KCNK12: variants seen among roughly 807,000 people sequenced by gnomAD.
KCNK12 encodes the protein potassium channel subfamily K member 12.
In KCNK12, 6 loss-of-function variants were observed where a neutral mutation model predicts 25.3. That is an observed-to-expected ratio of 0.24 (90% confidence interval 0.13 to 0.47). The LOEUF is 0.47. KCNK12 is among the 20% of genes least tolerant of loss of function. The probability of loss-of-function intolerance (pLI) is 0.99; values close to 1 mark genes in which losing one functional copy is unlikely to be tolerated. For synonymous variants in KCNK12, 331 were observed against 311.1 expected, an observed-to-expected ratio of 1.06 and a Z score of -0.67; for missense variants, 444 against 661.7, an observed-to-expected ratio of 0.67 and a Z score of 3.61.
At chr2:47,526,032 T>G (rs1668762702) in intron 1 of KCNK12, among the ~76,000 whole-genome samples, 1 of 152,138 alleles carries the variant, frequency 6.6e-6, no homozygotes, top group African/African-American at 2.4e-5. Context: ...GAAGTGAATT[T>G]GAAGATTTGA....
chr2:47,563,308 A>G (rs1379747642), intron 1 of KCNK12: 17 of 233,488 alleles, frequency 7.3e-5, no homozygotes, highest in Non-Finnish European at 1.4e-4. Context: ...GTGCCCTCTC[A>G]GAACTGTACT....
chr2:47,562,957 G>C lies in KCNK12; in HGVS notation c.391+6984C>G. 4.3e-6 allele frequency: 1 copy of C among 233,600 alleles called. No individual in the cohort carries two copies. 14.5% of individuals were successfully genotyped at this position (233,600 alleles called of 1,614,324 possible). A position where few individuals can be genotyped will look rare whatever the true frequency, so the allele number is the denominator to read the frequency against. ...AGCCCCCGACCCCGGAAAGTCAGTG[G>C]AACTGGACGGAAAAAATGGAAGGGC... On this transcript the variant is annotated intron_variant, in intron 1 of 1. Coordinates refer to ENST00000327876, the MANE Select transcript of KCNK12 (RefSeq NM_022055.2). The surrounding 1 kb of genome is among the most constrained non-coding windows in gnomAD (Gnocchi z 4.8).
intron 1 of KCNK12, among the ~76,000 whole-genome samples, chr2:47,549,956 A>G (rs945758140): frequency 6.6e-6 from 1 of 152,066 alleles, no homozygotes; most frequent in Non-Finnish European, 1.5e-5. Context: ...AAGGAAAAAT[A>G]TCATGTCTGA....
Position 47,570,260 on chromosome 2 carries a change from G to A in KCNK12, c.72C>T (p.Cys24=), listed in dbSNP as rs1669863103. ...TGAGGTGCGAACGGCGGCAGCAGCA[G>A]CAGCAGCAGGAGGGGCGCGGCAGGC... ...RRRLPRPSCC[C]CCCRRSHLNE... Residue 24 remains cysteine, a synonymous_variant, in exon 1 of 2, where the codon TGC becomes TGT. Coordinates refer to ENST00000327876, the MANE Select transcript of KCNK12 (RefSeq NM_022055.2). The A allele has an allele frequency of 7.0e-7, 1 of 1,436,560 alleles. No individual in the cohort carries two copies. Among genetic ancestry groups the A allele is most frequent in the Non-Finnish European group, 9.1e-7 (1 of 1,095,228 alleles). The allele number at this position is 1,436,560 out of a possible 1,614,324, so 89.0% of individuals were successfully genotyped here.
intron 1 of KCNK12, chr2:47,543,611 G>A (rs1034505196): frequency 6.6e-6 from 1 of 152,258 alleles, no homozygotes; most frequent in South Asian, 2.1e-4. Flanking sequence ...CAACCTAGAA[G>A]GTGATAGGGG....
chr2:47,544,190 C>T (rs896191860), intron 1 of KCNK12, among the ~76,000 whole-genome samples: 1 of 152,220 alleles, frequency 6.6e-6, no homozygotes, highest in Non-Finnish European at 1.5e-5. Flanking sequence ...CTTGTACTAC[C>T]CTGTGCCCCC....
Position 47,562,191 on chromosome 2 carries a change from G to C in KCNK12, c.391+7750C>G, listed in dbSNP as rs1462194369. On this transcript the variant is annotated intron_variant, in intron 1 of 1. Coordinates refer to ENST00000327876, the MANE Select transcript of KCNK12 (RefSeq NM_022055.2). This position sits in a 1 kb window ranked among gnomAD's most constrained non-coding sequence, Gnocchi z 4.8. ...CTCAACAGAAACTACTTGGTAAGCA[G>C]ATTCCCAGGTGGTTCCAGGCACCTT... is the stretch of plus-strand genomic sequence containing the variant. The C allele has an allele frequency of 7.5e-6, 3 of 398,506 alleles. No individual in the cohort carries two copies. Among genetic ancestry groups the C allele is most frequent in the Non-Finnish European group, 1.3e-5 (3 of 226,086 alleles). The allele number at this position is 398,506 out of a possible 1,614,324, so 24.7% of individuals were successfully genotyped here. A position where few individuals can be genotyped will look rare whatever the true frequency, so the allele number is the denominator to read the frequency against.
Position 47,511,742 on chromosome 2 carries a change from G to C in KCNK12, c.*9165C>G, listed in dbSNP as rs1668407643. Among the ~76,000 whole-genome samples, 1 of 152,188 alleles carries C rather than the reference G, an allele frequency of 6.6e-6. No homozygotes were observed. Among genetic ancestry groups the C allele is most frequent in the Non-Finnish European group, 1.5e-5 (1 of 68,040 alleles). The stretch of plus-strand genomic sequence containing the variant: ...ACTTCTGCCCCTTAAGGATGCCCTG[G>C]AATTCAGGCTTTCGGATCCCAGAGC... On this transcript the variant is annotated 3_prime_UTR_variant, in exon 2 of 2. Transcript: ENST00000327876. The surrounding 1 kb of genome is among the most constrained non-coding windows in gnomAD (Gnocchi z 4.3).
chr2:47,526,240 C>CAA (rs57006185), intron 1 of KCNK12, among the ~76,000 whole-genome samples: 2,028 of 127,440 alleles, frequency 0.016, 67 homozygotes, highest in African/African-American at 0.055. Context: ...CCTAAAAATA[C>CAA]AAAAAAAAAA....
chr2:47,512,625 C>A lies in KCNK12; in HGVS notation c.*8282G>T. 1 of 602,286 alleles carries A rather than the reference C, an allele frequency of 1.7e-6. No individual in the cohort carries two copies. The highest frequency in any genetic ancestry group is 2.9e-6 in the Non-Finnish European group (1 of 348,594). 37.3% of individuals were successfully genotyped at this position (602,286 alleles called of 1,614,324 possible). ...GCGCCTTCTGGGAACTTCACAATGG[C>A]TAAAGTGTGCTAATGGGATGATGTG... is the stretch of plus-strand genomic sequence containing the variant. On this transcript the variant is annotated 3_prime_UTR_variant, in exon 2 of 2. Transcript: ENST00000327876.
In KCNK12 at chr2:47,568,361, A is replaced by AT. The variant is rs1014898858; in HGVS notation, c.391+1579dup. On this transcript the variant is annotated intron_variant, in intron 1 of 1. Coordinates refer to ENST00000327876, the MANE Select transcript of KCNK12 (RefSeq NM_022055.2). ...AACTTGATGCAGCTCTTAAAAGGGGATTTTTTTTGAGGGGGTCATTTTATA... is the reference window on the plus strand; with the variant it reads ...AACTTGATGCAGCTCTTAAAAGGGGATTTTTTTTTGAGGGGGTCATTTTATA... Among the ~76,000 whole-genome samples, 9 of 151,046 alleles carry AT rather than the reference A, an allele frequency of 6.0e-5. No homozygotes were observed. The East Asian group carries it at 9.7e-4, about 16-fold the overall frequency.
chr2:47,563,362 T>C (rs574777405), intron 1 of KCNK12: 98 of 233,574 alleles, frequency 4.2e-4, no homozygotes, highest in African/African-American at 2.0e-3. Context: ...TGTGTGTCTG[T>C]GTGTGCTGTT....
At chr2:47,532,918 G>A (rs899866856) in intron 1 of KCNK12, among the ~76,000 whole-genome samples, 5 of 152,202 alleles carry the variant, frequency 3.3e-5, no homozygotes, top group Non-Finnish European at 2.9e-5. Context: ...AGGCTCTGGC[G>A]CCTCCACCTG....
chr2:47,559,822 G>C (rs1159077638), intron 1 of KCNK12, among the ~76,000 whole-genome samples: 8 of 152,322 alleles, frequency 5.3e-5, no homozygotes, highest in African/African-American at 1.7e-4. Flanking sequence ...TCCCTCTCTA[G>C]TGGCACCATT....
intron 1 of KCNK12, among the ~76,000 whole-genome samples, chr2:47,553,227 A>G (rs200386381): frequency 6.6e-6 from 1 of 152,266 alleles, no homozygotes; most frequent in African/African-American, 2.4e-5. Context: ...ACCAGTAGCT[A>G]TAAAATAAAA....
At position 47,569,679 on chromosome 2, in the gene KCNK12, C is replaced by T. The variant is rs1264124367; in HGVS notation, c.391+262G>A. 8.5e-5 allele frequency among the ~76,000 whole-genome samples: 13 copies of T among 152,128 alleles called. 1 individual carries two copies. ...GGAGAAAACGGAGGCTCACAAAGGTCAGATCACAGAGCCGGCCAGTGTTGG... is the reference window on the plus strand; with the variant it reads ...GGAGAAAACGGAGGCTCACAAAGGTTAGATCACAGAGCCGGCCAGTGTTGG... On this transcript the variant is annotated intron_variant, in intron 1 of 1. Coordinates refer to ENST00000327876, the MANE Select transcript of KCNK12 (RefSeq NM_022055.2). The surrounding 1 kb of genome is among the most constrained non-coding windows in gnomAD (Gnocchi z 4.1).
rs1668973883 is a variant in KCNK12 at position 47,533,173 on chromosome 2, G to A, written c.392-11365C>T. Among the ~76,000 whole-genome samples the A allele has an allele frequency of 2.6e-5, 4 of 151,638 alleles. No homozygotes were observed. The highest frequency in any genetic ancestry group is 2.6e-4 in the Admixed American group (4 of 15,238). ...CTACAGGTGCGTGCCACCACATCTG[G>A]CTAATTTTTGTATTTTTAGTAGAGA... is the stretch of plus-strand genomic sequence containing the variant. On this transcript the variant is annotated intron_variant, in intron 1 of 1. Transcript: ENST00000327876. This position sits in a 1 kb window ranked among gnomAD's most constrained non-coding sequence, Gnocchi z 4.7.
Position 47,560,851 on chromosome 2 carries a change from G to C in KCNK12, c.391+9090C>G, listed in dbSNP as rs533253203. On this transcript the variant is annotated intron_variant, in intron 1 of 1. Coordinates refer to ENST00000327876, the MANE Select transcript of KCNK12 (RefSeq NM_022055.2). This position sits in a 1 kb window ranked among gnomAD's most constrained non-coding sequence, Gnocchi z 4.7. ...CTGGCATGATGGAGAGTTTGGAAAGGGGAGATACTGGTGGGCTCTGTGGCC... is the reference window on the plus strand; with the variant it reads ...CTGGCATGATGGAGAGTTTGGAAAGCGGAGATACTGGTGGGCTCTGTGGCC... Among the ~76,000 whole-genome samples the C allele has an allele frequency of 6.6e-6, 1 of 152,254 alleles. No individual in the cohort carries two copies. The highest frequency in any genetic ancestry group is 2.1e-4 in the South Asian group (1 of 4,820).
Position 47,565,234 on chromosome 2 carries a change from T to A in KCNK12, c.391+4707A>T, listed in dbSNP as rs1421055918. On this transcript the variant is annotated intron_variant, in intron 1 of 1. Coordinates refer to ENST00000327876, the MANE Select transcript of KCNK12 (RefSeq NM_022055.2). This position sits in a 1 kb window ranked among gnomAD's most constrained non-coding sequence, Gnocchi z 5.0. ...GCGCCTCTCCTTCTGGATAATGTGT[T>A]TCATTCCAGATATCAAAACTATCTC... 6.6e-6 allele frequency: 1 copy of A among 152,202 alleles called. No homozygotes were observed. Among genetic ancestry groups the A allele is most frequent in the African/African-American group, 2.4e-5 (1 of 41,438 alleles). 9.4% of individuals were successfully genotyped at this position (152,202 alleles called of 1,614,324 possible).
Sources: allele counts gnomAD v4.1 joint callset (sites outside exome capture counted in the v4.1 genomes callset), GRCh38; gene constraint gnomAD v4.1.1; non-coding constraint Gnocchi (gnomAD v3.1); transcripts MANE v1.5; gene names NCBI Gene and HGNC (gene_info 2026-07-23, HGNC 2026-07-21).